The following FAM162A variants were observed in gnomAD, a reference collection of about 807,000 sequenced individuals.
FAM162A encodes the protein family with sequence similarity 162 member A.
In FAM162A, 23 loss-of-function variants were observed where a neutral mutation model predicts 21.8. The observed-to-expected ratio is 1.05, with a 90% CI of 0.76 to 1.49. The LOEUF (loss-of-function observed/expected upper bound fraction) is 1.49. Ranked by LOEUF, FAM162A falls within the 40% of genes most tolerant of loss-of-function variation. FAM162A has a pLI of 0.00. For missense variants in FAM162A, 165 were observed against 186.4 expected (o/e 0.89, Z 0.67); for synonymous variants, 53 against 61.3 (o/e 0.86, Z 0.64).
chr3:122,400,753 G>A (rs898642895), intron 1 of FAM162A, among the ~76,000 whole-genome samples: 1 of 152,040 alleles, frequency 6.6e-6, no homozygotes, highest in Non-Finnish European at 1.5e-5. Flanking sequence ...CTTGAACCTG[G>A]GAGACAGAGG....
In FAM162A at chr3:122,395,262, C is replaced by T. The variant is rs149211293; in HGVS notation, c.35-7498C>T. Among the ~76,000 whole-genome samples the T allele has an allele frequency of 5.7e-3, 869 of 152,236 alleles. 7 individuals are homozygous for T. Among genetic ancestry groups the T allele is most frequent in the Non-Finnish European group, 8.9e-3 (608 of 68,004 alleles). Reference sequence around the variant, plus strand: ...TTCAACACTGTACTTACTGGAGGTTCTCGTTAGGGAATTTAGGCAGGAAAA... The same window carrying T: ...TTCAACACTGTACTTACTGGAGGTTTTCGTTAGGGAATTTAGGCAGGAAAA... On this transcript the variant is annotated intron_variant, in intron 1 of 4. Coordinates refer to ENST00000477892, the MANE Select transcript of FAM162A (RefSeq NM_014367.4).
intron 1 of FAM162A, among the ~76,000 whole-genome samples, chr3:122,389,327 T>G (rs1229918693): frequency 6.6e-6 from 1 of 152,100 alleles, no homozygotes; most frequent in Non-Finnish European, 1.5e-5. Flanking sequence ...TCTCAGTAAC[T>G]ACTAGTAGAA....
intron 1 of FAM162A, chr3:122,401,638 TAAA>T: frequency 4.9e-6 from 3 of 608,934 alleles, no homozygotes; most frequent in South Asian, 5.9e-5. Flanking sequence ...AGTATATATC[TAAA>T]AAAAAAAAAT....
intron 1 of FAM162A, among the ~76,000 whole-genome samples, chr3:122,384,741 A>C (rs2075566340): frequency 6.6e-5 from 10 of 152,178 alleles, no homozygotes; most frequent in Admixed American, 6.5e-4. Flanking sequence ...GAAAACCTCC[A>C]GTCTGAAGTT....
chr3:122,395,906 T>C (rs892237291), intron 1 of FAM162A, among the ~76,000 whole-genome samples: 3 of 152,158 alleles, frequency 2.0e-5, no homozygotes, highest in Non-Finnish European at 4.4e-5. Flanking sequence ...TTACAGTCAA[T>C]TGATTTTCTA....
At chr3:122,401,787 C>T (rs1043340481) in intron 1 of FAM162A, among the ~76,000 whole-genome samples, 3 of 152,130 alleles carry the variant, frequency 2.0e-5, no homozygotes, top group Non-Finnish European at 2.9e-5. Context: ...TGTCTGCTCA[C>T]GTCCTTTGCC....
intron 4 of FAM162A, among the ~76,000 whole-genome samples, chr3:122,408,457 T>G (rs2075686983): frequency 1.3e-5 from 2 of 152,248 alleles, no homozygotes; most frequent in Non-Finnish European, 2.9e-5. Flanking sequence ...CTTAACTGAC[T>G]TTCTTATCCT....
intron 1 of FAM162A, among the ~76,000 whole-genome samples, chr3:122,394,100 G>A (rs929798265): frequency 1.3e-5 from 2 of 152,150 alleles, no homozygotes; most frequent in African/African-American, 4.8e-5. Context: ...TCCAGAGCAA[G>A]AGCAAGAGAG....
At chr3:122,396,035 A>G (rs2075625637) in intron 1 of FAM162A, among the ~76,000 whole-genome samples, 1 of 152,226 alleles carries the variant, frequency 6.6e-6, no homozygotes, top group Non-Finnish European at 1.5e-5. Flanking sequence ...AAAGTATACT[A>G]GTATAACTCA....
chr3:122,407,270 T>C lies in FAM162A; in HGVS notation c.264-11T>C, dbSNP rs185134701. ...TAATAACTTTCTCTCATGATCTCAT[T>C]GTATTACTAGGTTGGAGATGCTTGA... On this transcript the variant is annotated splice_polypyrimidine_tract_variant and intron_variant, in intron 3 of 4. Transcript: ENST00000477892. The C allele has an allele frequency of 6.8e-6, 11 of 1,610,194 alleles. No homozygotes were observed. The highest frequency in any genetic ancestry group is 3.3e-5 in the South Asian group (3 of 90,950).
chr3:122,392,140 C>T (rs1241724181), intron 1 of FAM162A, among the ~76,000 whole-genome samples: 1 of 152,192 alleles, frequency 6.6e-6, no homozygotes, highest in African/African-American at 2.4e-5. Context: ...ACTGAGCTAG[C>T]TGAGAGGCAG....
At chr3:122,385,373 C>T (rs1309001490) in intron 1 of FAM162A, among the ~76,000 whole-genome samples, 1 of 152,124 alleles carries the variant, frequency 6.6e-6, no homozygotes, top group Non-Finnish European at 1.5e-5. Context: ...CACTAAAATC[C>T]TCAATACTAT....
chr3:122,401,685 T>G (rs1307872770), intron 1 of FAM162A: 1 of 368,882 alleles, frequency 2.7e-6, no homozygotes, highest in Non-Finnish European at 4.2e-6. Flanking sequence ...TGGTATTGCA[T>G]TGTGGTTTTG....
intron 1 of FAM162A, among the ~76,000 whole-genome samples, chr3:122,396,335 G>C (rs2075627432): frequency 6.6e-6 from 1 of 151,934 alleles, no homozygotes; most frequent in Non-Finnish European, 1.5e-5. Context: ...AAAAAAATAG[G>C]CAGAGGACCT....
At chr3:122,407,134 A>C in intron 3 of FAM162A, 147 bp from the exon 4 acceptor site, 4 of 578,962 alleles carry the variant, frequency 6.9e-6, no homozygotes, top group Non-Finnish European at 8.9e-6. Context: ...TGAGATCTCT[A>C]GGCCCTTTTT....
At chr3:122,389,967 T>G (rs988957490) in intron 1 of FAM162A, among the ~76,000 whole-genome samples, 7 of 152,140 alleles carry the variant, frequency 4.6e-5, no homozygotes, top group African/African-American at 1.4e-4. Flanking sequence ...AGACCCGATC[T>G]CTACAAAACA....
intron 3 of FAM162A, among the ~76,000 whole-genome samples, chr3:122,405,273 T>C (rs1057347428): frequency 2.0e-5 from 3 of 152,228 alleles, no homozygotes; most frequent in African/African-American, 7.2e-5. Context: ...GATCTTCTGG[T>C]CTCTGGTTTC....
intron 1 of FAM162A, among the ~76,000 whole-genome samples, chr3:122,395,546 T>C (rs915238589): frequency 1.3e-5 from 2 of 152,102 alleles, no homozygotes; most frequent in African/African-American, 2.4e-5. Context: ...AAGACCCAAA[T>C]AAATGGAAAG....
At chr3:122,396,790 A>G (rs189329375) in intron 1 of FAM162A, among the ~76,000 whole-genome samples, 2 of 152,368 alleles carry the variant, frequency 1.3e-5, no homozygotes, top group East Asian at 1.9e-4. Flanking sequence ...AAATTTGTCA[A>G]TAAAAAGGAA....
Sources: allele counts gnomAD v4.1 joint callset (sites outside exome capture counted in the v4.1 genomes callset), GRCh38; gene constraint gnomAD v4.1.1; transcripts MANE v1.5; gene names NCBI Gene and HGNC (gene_info 2026-07-23, HGNC 2026-07-21).